Variants in RASAL2 observed in about 807,000 individuals in gnomAD.
RASAL2 encodes ras GTPase-activating protein nGAP.
A neutral mutation model predicts 128.9 loss-of-function variants in RASAL2; 58 were observed. That is an observed-to-expected ratio of 0.45 (90% CI 0.36 to 0.56). The LOEUF is 0.56. RASAL2 is among the 20% of genes least tolerant of loss of function. The probability of loss-of-function intolerance (pLI) is 0.00; values close to 1 mark genes in which losing one functional copy is unlikely to be tolerated. For synonymous variants in RASAL2, 561 were observed against 580.8 expected (o/e 0.97, Z 0.49); for missense variants, 1,360 against 1,601.6 (o/e 0.85, Z 2.57).
At chr1:178,310,176 G>A (rs1040380783) in intron 3 of RASAL2, among the ~76,000 whole-genome samples, 2 of 152,152 alleles carry the variant, frequency 1.3e-5, no homozygotes, top group Non-Finnish European at 1.5e-5. Context: ...GATGATAATA[G>A]CATTGATAGA....
rs1014596431 is a variant in RASAL2, at chr1:178,441,555, T to G, written c.835T>G (p.Tyr279Asp). The G allele has an allele frequency of 6.2e-7, 1 of 1,611,652 alleles. No individual in the cohort carries two copies. The highest frequency in any genetic ancestry group is 1.3e-5 in the African/African-American group (1 of 74,934). ...LGQDFCFEVT[Y>D]LSGSKCFSCN... is the part of the protein sequence containing the mutation. ...TCTAATTTTTATGTTGAAGGTTACC[T>G]ACTTAAGTGGAAGTAAATGCTTCAG... The change falls in exon 7 of 18, where the codon TAC becomes GAC. Residue 279 changes from tyrosine to aspartate, a missense_variant. By Grantham distance (160) the Tyr-to-Asp change is radical (BLOSUM62 -3). Transcript: ENST00000367649.
At chr1:178,356,190 C>T (rs1452248554) in intron 3 of RASAL2, among the ~76,000 whole-genome samples, 2 of 126,888 alleles carry the variant, frequency 1.6e-5, no homozygotes, top group East Asian at 4.3e-4. Context: ...AAAAAAAAAA[C>T]CCACAAGATA....
intron 1 of RASAL2, among the ~76,000 whole-genome samples, chr1:178,166,780 A>C (rs1661529692): frequency 6.6e-6 from 1 of 152,158 alleles, no homozygotes; most frequent in Non-Finnish European, 1.5e-5. Context: ...GGTAGTCATA[A>C]AAATGTCAGA....
At position 178,439,287 on chromosome 1, in the gene RASAL2, A is replaced by G. The variant is rs139241820; in HGVS notation, c.675-135A>G. 2.8e-4 allele frequency: 205 copies of G among 722,678 alleles called. 2 individuals are homozygous for G. In the East Asian group the frequency reaches 5.6e-3, roughly 20 times the overall value. The allele number at this position is 722,678 out of a possible 1,614,324, so 44.8% of individuals were successfully genotyped here. Reference sequence around the variant, plus strand: ...ATGATTACTATTATTGTTACTGTAGATTAACTATTAATTTGTTCCTCATTT... The same window carrying G: ...ATGATTACTATTATTGTTACTGTAGGTTAACTATTAATTTGTTCCTCATTT... On this transcript the variant is annotated intron_variant, in intron 5 of 17. Transcript: ENST00000367649.
intron 3 of RASAL2, among the ~76,000 whole-genome samples, chr1:178,347,625 C>G (rs1007382433): frequency 2.0e-5 from 3 of 152,072 alleles, no homozygotes; most frequent in Admixed American, 2.0e-4. Context: ...ACATACCCAT[C>G]AAAACGTCTA....
At chr1:178,124,234 A>G (rs1439467771) in intron 1 of RASAL2, among the ~76,000 whole-genome samples, 3 of 152,150 alleles carry the variant, frequency 2.0e-5, no homozygotes, top group Non-Finnish European at 2.9e-5. Flanking sequence ...AAGCTGTTCA[A>G]TCCTTAGAGT....
chr1:178,390,623 C>T (rs555864902), intron 4 of RASAL2, among the ~76,000 whole-genome samples: 96 of 152,266 alleles, frequency 6.3e-4, no homozygotes, highest in Non-Finnish European at 9.9e-4. Flanking sequence ...AAGTGATCCC[C>T]CTGCCTCAGC....
intron 15 of RASAL2, among the ~76,000 whole-genome samples, chr1:178,464,746 C>T (rs1647474021): frequency 6.9e-6 from 1 of 145,272 alleles, no homozygotes; most frequent in Non-Finnish European, 1.5e-5. Flanking sequence ...TTTCCATAAA[C>T]TTGTTGGTCT....
At chr1:178,288,569 C>T (rs946665588) in intron 2 of RASAL2, among the ~76,000 whole-genome samples, 2 of 151,286 alleles carry the variant, frequency 1.3e-5, no homozygotes, top group Non-Finnish European at 2.9e-5. Context: ...TTCTCCCCTA[C>T]CATTTTTGAA....
At chr1:178,259,734 T>A (rs1665569849) in intron 1 of RASAL2, among the ~76,000 whole-genome samples, 1 of 152,150 alleles carries the variant, frequency 6.6e-6, no homozygotes, top group African/African-American at 2.4e-5. Context: ...GCTAATATTT[T>A]AATTTTTTTT....
intron 2 of RASAL2, among the ~76,000 whole-genome samples, chr1:178,296,466 C>G (rs1571803666): frequency 6.6e-6 from 1 of 152,056 alleles, no homozygotes; most frequent in South Asian, 2.1e-4. Flanking sequence ...CTTAAGTGAT[C>G]CTCTTGCCTC....
At chr1:178,141,130 G>A (rs971232197) in intron 1 of RASAL2, among the ~76,000 whole-genome samples, 4 of 150,314 alleles carry the variant, frequency 2.7e-5, no homozygotes, top group African/African-American at 9.8e-5. Flanking sequence ...ATCCACCCCT[G>A]TGATCCAAAC....
At chr1:178,422,110 A>T (rs1347735597) in intron 5 of RASAL2, among the ~76,000 whole-genome samples, 3 of 151,996 alleles carry the variant, frequency 2.0e-5, no homozygotes, top group African/African-American at 4.8e-5. Context: ...TCATATAGAA[A>T]CTTGGGAGAC....
intron 3 of RASAL2, among the ~76,000 whole-genome samples, chr1:178,322,781 G>A (rs534237550): frequency 6.6e-6 from 1 of 152,210 alleles, no homozygotes; most frequent in East Asian, 1.9e-4. Flanking sequence ...TATCTCCACT[G>A]ATCTATAAGA....
intron 1 of RASAL2, among the ~76,000 whole-genome samples, chr1:178,204,368 A>C (rs954895705): frequency 6.6e-6 from 1 of 152,158 alleles, no homozygotes; most frequent in African/African-American, 2.4e-5. Context: ...ATTGATGGTT[A>C]ATACACACCA....
At chr1:178,165,458 A>T (rs541867296) in intron 1 of RASAL2, among the ~76,000 whole-genome samples, 1 of 152,298 alleles carries the variant, frequency 6.6e-6, no homozygotes, top group African/African-American at 2.4e-5. Context: ...ATACAAGAGG[A>T]TGTGCATAGG....
chr1:178,237,773 G>T (rs894092271), intron 1 of RASAL2, among the ~76,000 whole-genome samples: 1 of 152,106 alleles, frequency 6.6e-6, no homozygotes, highest in Non-Finnish European at 1.5e-5. Flanking sequence ...GTACAGTTCA[G>T]TGGCATAAGT....
At chr1:178,411,459 C>T (rs995851219) in intron 4 of RASAL2, among the ~76,000 whole-genome samples, 4 of 152,106 alleles carry the variant, frequency 2.6e-5, no homozygotes, top group African/African-American at 9.7e-5. Flanking sequence ...CTACACTGCT[C>T]AGGTGATGGG....
chr1:178,321,516 A>G (rs1259490162), intron 3 of RASAL2, among the ~76,000 whole-genome samples: 3 of 149,934 alleles, frequency 2.0e-5, no homozygotes, highest in Non-Finnish European at 4.4e-5. Flanking sequence ...TTGTTTTTCT[A>G]TTTTTTTTAG....
Sources: gnomAD v4.1 joint callset for allele counts (sites outside exome capture counted in the v4.1 genomes callset) on GRCh38, gnomAD v4.1.1 for gene constraint, MANE v1.5 for transcripts, NCBI Gene and HGNC (gene_info 2026-07-23, HGNC 2026-07-21) for gene names.